Variants in EXPH5 observed in about 807,000 individuals in gnomAD.
EXPH5 encodes the protein exophilin 5.
Under a neutral mutation model 41.1 loss-of-function variants are expected in EXPH5, and 42 were observed. That is an observed-to-expected ratio of 1.02 (90% CI 0.80 to 1.32). The LOEUF is 1.32. Ranked by LOEUF, EXPH5 falls within the 40% of genes most tolerant of loss-of-function variation. The pLI is 0.00. For synonymous variants in EXPH5, 798 were observed against 833.5 expected (o/e 0.96, Z 0.73); for missense variants, 2,298 against 2,314.5 (o/e 0.99, Z 0.15).
chr11:108,603,561 G>C, the EXPH5 span, among the ~76,000 whole-genome samples: 1 of 152,124 alleles, frequency 6.6e-6, no homozygotes, highest in Non-Finnish European at 1.5e-5. Context: ...TGTCCATGTT[G>C]ATAACATTGT....
chr11:108,588,387 C>T (rs2094119350), intron 1 of EXPH5, among the ~76,000 whole-genome samples: 1 of 152,146 alleles, frequency 6.6e-6, no homozygotes, highest in African/African-American at 2.4e-5. Context: ...GATCCCAGTC[C>T]TGGTTCTGTT....
rs767269195 is a variant in EXPH5, at chr11:108,514,190, G to A, written c.1317C>T (p.Pro439=). The change falls in exon 6 of 6, where the codon CCC becomes CCT. Residue 439 remains proline, a synonymous_variant. Transcript: ENST00000265843. ...LNAPMENAMS[P]DTFENSENMP... The stretch of plus-strand genomic sequence containing the variant: ...TGTTCTCTGAGTTCTCAAAAGTGTC[G>A]GGACTCATTGCATTCTCCATGGGAG... 96 of 1,614,132 alleles carry A rather than the reference G, an allele frequency of 5.9e-5. No individual in the cohort carries two copies. The highest frequency in any genetic ancestry group is 5.9e-4 in the South Asian group (54 of 91,068).
chr11:108,545,619 T>G (rs2093934530), intron 1 of EXPH5, among the ~76,000 whole-genome samples: 1 of 151,766 alleles, frequency 6.6e-6, no homozygotes, highest in Non-Finnish European at 1.5e-5. Flanking sequence ...AAAAAGTAAA[T>G]AAGGCTGAGT....
At chr11:108,523,836 C>A (rs1485389302) in intron 4 of EXPH5, among the ~76,000 whole-genome samples, 2 of 152,206 alleles carry the variant, frequency 1.3e-5, no homozygotes, top group Non-Finnish European at 2.9e-5. Flanking sequence ...TGTGCCACTG[C>A]ACTCCAGCCT....
chr11:108,561,055 T>C (rs1460193656), intron 1 of EXPH5, among the ~76,000 whole-genome samples: 1 of 152,194 alleles, frequency 6.6e-6, no homozygotes, highest in East Asian at 1.9e-4. Flanking sequence ...GAGGACATTA[T>C]GCATTTTAAA....
intron 4 of EXPH5, among the ~76,000 whole-genome samples, chr11:108,520,777 C>G (rs942411512): frequency 6.6e-6 from 1 of 152,086 alleles, no homozygotes; most frequent in Non-Finnish European, 1.5e-5. Flanking sequence ...CCCTATTGGC[C>G]AGACAGGTCT....
intron 4 of EXPH5, among the ~76,000 whole-genome samples, chr11:108,524,335 T>C (rs2093784414): frequency 6.6e-6 from 1 of 152,232 alleles, no homozygotes; most frequent in African/African-American, 2.4e-5. Context: ...TTAATATTAA[T>C]AGTTGTGATG....
chr11:108,558,590 T>C (rs2093999422), intron 1 of EXPH5, among the ~76,000 whole-genome samples: 1 of 152,238 alleles, frequency 6.6e-6, no homozygotes, highest in African/African-American at 2.4e-5. Flanking sequence ...TTCTTTCACT[T>C]TCTTTGAACT....
In EXPH5 at chr11:108,512,928, T is replaced by G. The variant is rs1225164495; in HGVS notation, c.2579A>C (p.Gln860Pro). Residue 860 changes from glutamine to proline, a missense_variant, in exon 6 of 6, where the codon CAA becomes CCA. Coordinates refer to ENST00000265843, the MANE Select transcript of EXPH5 (RefSeq NM_015065.3). ...AGGAGTTAACTTGCATTTTGAGTAT[T>G]GTGCATTTTGAGTATCAGTCAGTGC... The part of the protein sequence containing the change: ...SSALTDTQNA[Q>P]YSKCKLTPGH... 1.9e-6 allele frequency: 3 copies of G among 1,613,286 alleles called. No individual in the cohort carries two copies. Among genetic ancestry groups the G allele is most frequent in the Non-Finnish European group, 2.5e-6 (3 of 1,179,646 alleles).
At chr11:108,579,881 G>A (rs2094092557) in intron 1 of EXPH5, among the ~76,000 whole-genome samples, 2 of 152,166 alleles carry the variant, frequency 1.3e-5, no homozygotes, top group Non-Finnish European at 2.9e-5. Context: ...AGCAACAGCA[G>A]TGGTAGCTGG....
chr11:108,590,748 G>T (rs2094125549), intron 1 of EXPH5, among the ~76,000 whole-genome samples: 1 of 152,198 alleles, frequency 6.6e-6, no homozygotes, highest in African/African-American at 2.4e-5. Flanking sequence ...TTGAGCTCAA[G>T]GGATCCTCCC....
At chr11:108,557,384 T>C (rs938480375) in intron 1 of EXPH5, among the ~76,000 whole-genome samples, 1 of 152,136 alleles carries the variant, frequency 6.6e-6, no homozygotes, top group Non-Finnish European at 1.5e-5. Context: ...ATTAACAAGA[T>C]TAAGAAAAGA....
At chr11:108,536,454 G>C (rs995294296) in intron 3 of EXPH5, among the ~76,000 whole-genome samples, 2 of 152,074 alleles carry the variant, frequency 1.3e-5, no homozygotes, top group Non-Finnish European at 2.9e-5. Context: ...GGTAGAGATG[G>C]GGTTTCACCA....
the EXPH5 span, among the ~76,000 whole-genome samples, chr11:108,603,654 C>T: frequency 5.9e-5 from 9 of 152,348 alleles, no homozygotes; most frequent in East Asian, 1.5e-3. Flanking sequence ...ATTATTAACT[C>T]AAGCTTCTCA....
At position 108,545,768 on chromosome 11, in the gene EXPH5, T is replaced by C. The variant is rs557519935; in HGVS notation, c.120-3956A>G. 3.1e-4 allele frequency among the ~76,000 whole-genome samples: 47 copies of C among 151,774 alleles called. 1 individual carries two copies. Among genetic ancestry groups the C allele is most frequent in the African/African-American group, 1.0e-3 (42 of 41,362 alleles). On this transcript the variant is annotated intron_variant, in intron 1 of 5. Coordinates refer to ENST00000265843, the MANE Select transcript of EXPH5 (RefSeq NM_015065.3). ...AAATTTTAAAATTAGCCAGGTGTAG[T>C]GGTGTGCTCCTTTAGTCCCAACTGT...
intron 1 of EXPH5, among the ~76,000 whole-genome samples, chr11:108,554,365 T>C (rs895230967): frequency 6.6e-6 from 1 of 152,144 alleles, no homozygotes; most frequent in Non-Finnish European, 1.5e-5. Flanking sequence ...GCCCTGAACT[T>C]TATTAACTGG....
rs753186834 is a variant in EXPH5 at position 108,509,505 on chromosome 11, T to G, written c.*32A>C. ...CCTTAGTTCCATTATAAGCTTTTGG[T>G]GAAAAAAGTAAAGCATTTTATTGAA... On this transcript the variant is annotated 3_prime_UTR_variant, in exon 6 of 6. Transcript: ENST00000265843. 3.0e-5 allele frequency: 45 copies of G among 1,524,142 alleles called. No individual in the cohort carries two copies. In the Admixed American group the frequency reaches 1.0e-3, roughly 34 times the overall value. 94.4% of individuals were successfully genotyped at this position (1,524,142 alleles called of 1,614,324 possible).
chr11:108,597,381 A>G (rs1338663253), upstream of EXPH5, among the ~76,000 whole-genome samples: 1 of 152,096 alleles, frequency 6.6e-6, no homozygotes, highest in Non-Finnish European at 1.5e-5. Flanking sequence ...TATTTTTATT[A>G]AAGAAGGAGT....
Position 108,511,855 on chromosome 11 carries a change from A to T in EXPH5, c.3652T>A (p.Ser1218Thr). 1 of 1,589,616 alleles carries T rather than the reference A, an allele frequency of 6.3e-7. No individual in the cohort carries two copies. The change falls in exon 6 of 6, where the codon TCA becomes ACA. Residue 1218 changes from serine to threonine, a missense_variant. Physicochemically the swap from Ser to Thr is moderately conservative, Grantham distance 58. Transcript: ENST00000265843. The part of the protein sequence containing the change: ...EDPLPFCSDL[S>T]GKERGKTLHK... ...AATGTTTTCCCACGTTCTTTTCCTG[A>T]CAAGTCTGAGCAAAAAGGTAAAGGG...
Sources: gnomAD v4.1 joint callset for allele counts (sites outside exome capture counted in the v4.1 genomes callset) on GRCh38, gnomAD v4.1.1 for gene constraint, MANE v1.5 for transcripts, NCBI Gene and HGNC (gene_info 2026-07-23, HGNC 2026-07-21) for gene names.